The following PTPRQ variants were observed in gnomAD, a reference collection of about 807,000 sequenced individuals.
The protein encoded by PTPRQ is phosphatidylinositol phosphatase PTPRQ.
PTPRQ carries 199 observed loss-of-function variants against 246.0 expected under a neutral mutation model. The observed-to-expected ratio is 0.81, with a 90% CI of 0.72 to 0.91. The LOEUF (loss-of-function observed/expected upper bound fraction) is 0.91. Among genes scored for constraint, PTPRQ ranks in the 40% least tolerant of loss-of-function variants. The pLI is 0.00. For synonymous variants in PTPRQ, 869 were observed against 853.2 expected, an observed-to-expected ratio of 1.02 and a Z score of -0.32; for missense variants, 2,624 against 2,528.4, an observed-to-expected ratio of 1.04 and a Z score of -0.81.
At position 80,586,112 on chromosome 12, in the gene PTPRQ, A is replaced by G. The variant is rs557055275; in HGVS notation, c.4286-2017A>G. ...GTATTCCATGGTGTATATGTGCCAC[A>G]TTTTCTTAATCCAGTCTATCATTGT... is the stretch of plus-strand genomic sequence containing the variant. On this transcript the variant is annotated intron_variant, in intron 25 of 44. Transcript: ENST00000644991. 7.2e-5 allele frequency among the ~76,000 whole-genome samples: 11 copies of G among 151,838 alleles called. No homozygotes were observed. In the East Asian group the frequency reaches 1.6e-3, roughly 21 times the overall value.
chr12:80,664,698 T>C (rs1900733138), intron 39 of PTPRQ, among the ~76,000 whole-genome samples: 1 of 151,982 alleles, frequency 6.6e-6, no homozygotes, highest in African/African-American at 2.4e-5. Flanking sequence ...CACCCTCAAA[T>C]AAGACTTGGA....
chr12:80,618,359 TTC>T (rs1491280213), intron 30 of PTPRQ, among the ~76,000 whole-genome samples: 4 of 100,092 alleles, frequency 4.0e-5, no homozygotes, highest in Admixed American at 2.0e-4. Context: ...AAGCACTACA[TTC>T]ACACACACAC....
intron 6 of PTPRQ, among the ~76,000 whole-genome samples, chr12:80,465,844 T>A (rs1260272114): frequency 6.6e-6 from 1 of 152,154 alleles, no homozygotes; most frequent in African/African-American, 2.4e-5. Flanking sequence ...TAGGAATTGG[T>A]GGGACGTATC....
At chr12:80,645,087 TA>T (rs1294957700) in intron 35 of PTPRQ, among the ~76,000 whole-genome samples, 1 of 152,052 alleles carries the variant, frequency 6.6e-6, no homozygotes, top group East Asian at 1.9e-4. Flanking sequence ...GAACAGATTC[TA>T]AAAAGTGATT....
In PTPRQ at chr12:80,669,410, G is replaced by A; in HGVS notation, c.6399G>A (p.Lys2133=). The A allele has an allele frequency of 6.5e-7, 1 of 1,549,632 alleles. No individual in the cohort carries two copies. Among genetic ancestry groups the A allele is most frequent in the South Asian group, 1.2e-5 (1 of 83,882 alleles). Residue 2133 remains lysine, a synonymous_variant, in exon 41 of 45, where the codon AAG becomes AAA. Transcript: ENST00000644991. ...TCTTTGGAGATATAGTGATTACAAA[G>A]CTAATGGAGGATGTTCAAATAGATT... ...VTVFGDIVIT[K]LMEDVQIDWT...
intron 26 of PTPRQ, 115 bp downstream of exon 26, chr12:80,588,567 T>G: frequency 8.8e-7 from 1 of 1,131,440 alleles, no homozygotes; most frequent in Non-Finnish European, 1.1e-6. Flanking sequence ...TAGAAATAAC[T>G]GAGGACACTA....
chr12:80,542,671 G>T, intron 22 of PTPRQ, 59 bp from the exon 23 acceptor site: 1 of 1,494,152 alleles, frequency 6.7e-7, no homozygotes. Flanking sequence ...GTAAGTCACG[G>T]TGCTATTTTT....
rs891910005 is a variant in PTPRQ at position 80,471,719 on chromosome 12, C to T, written c.1040-386C>T. The stretch of plus-strand genomic sequence containing the variant: ...GTCTCGATCTCCTGACCTCGTGATC[C>T]GCCCGCCTCGGCCTCCCAAAGTTAT... On this transcript the variant is annotated intron_variant, in intron 7 of 44. Transcript: ENST00000644991. 1.2e-4 allele frequency among the ~76,000 whole-genome samples: 18 copies of T among 150,540 alleles called. 1 individual carries two copies. Among genetic ancestry groups the T allele is most frequent in the Non-Finnish European group, 2.2e-4 (15 of 67,718 alleles).
chr12:80,577,952 C>T (rs968007402), intron 25 of PTPRQ, among the ~76,000 whole-genome samples: 19 of 152,004 alleles, frequency 1.2e-4, no homozygotes, highest in African/African-American at 3.6e-4. Flanking sequence ...TGCACATGAA[C>T]GGTATACTTA....
intron 39 of PTPRQ, among the ~76,000 whole-genome samples, chr12:80,661,214 AATAT>A (rs141985379): frequency 6.7e-6 from 1 of 150,114 alleles, no homozygotes; most frequent in African/African-American, 2.4e-5. Context: ...AAAAGGAAAA[AATAT>A]ATATATATAA....
At chr12:80,671,196 G>T (rs1282468749) in intron 42 of PTPRQ, among the ~76,000 whole-genome samples, 1 of 151,820 alleles carries the variant, frequency 6.6e-6, no homozygotes, top group Non-Finnish European at 1.5e-5. Context: ...ATACGTAAAT[G>T]CTTGCTCATT....
intron 26 of PTPRQ, among the ~76,000 whole-genome samples, chr12:80,600,634 T>C (rs910887492): frequency 6.6e-6 from 1 of 151,754 alleles, no homozygotes; most frequent in African/African-American, 2.4e-5. Context: ...GGTTGAAAAG[T>C]ATAGTCCCAA....
intron 9 of PTPRQ, among the ~76,000 whole-genome samples, chr12:80,492,330 A>G (rs925311667): frequency 2.0e-5 from 3 of 152,006 alleles, no homozygotes; most frequent in Admixed American, 2.0e-4. Context: ...CCATCCTGGT[A>G]TCATTTAATA....
intron 8 of PTPRQ, among the ~76,000 whole-genome samples, chr12:80,479,064 C>A (rs1177157431): frequency 2.6e-5 from 4 of 151,534 alleles, no homozygotes; most frequent in South Asian, 2.1e-4. Flanking sequence ...AACTCCAAGA[C>A]ACATAATTGT....
intron 24 of PTPRQ, 102 bp downstream of exon 24, chr12:80,546,799 A>T: frequency 7.3e-7 from 1 of 1,373,702 alleles, no homozygotes; most frequent in Non-Finnish European, 9.8e-7. Context: ...TTAAGAGTCT[A>T]CTCAAAGGGA....
intron 7 of PTPRQ, among the ~76,000 whole-genome samples, chr12:80,469,438 G>GGATC (rs1893553408): frequency 6.6e-6 from 1 of 152,092 alleles, no homozygotes; most frequent in Non-Finnish European, 1.5e-5. Context: ...TATATCATTA[G>GGATC]GATCAAGTAT....
chr12:80,628,439 T>C lies in PTPRQ; in HGVS notation c.5687-3753T>C, dbSNP rs192389379. ...GTGCCTATTTTACACATTGGTAACC[T>C]ATTTTGTCACTTGACTGTAATACTT... On this transcript the variant is annotated intron_variant, in intron 33 of 44. Transcript: ENST00000644991. 1.5e-3 allele frequency among the ~76,000 whole-genome samples: 227 copies of C among 152,340 alleles called. 5 individuals are homozygous for C. Among genetic ancestry groups the C allele is most frequent in the Non-Finnish European group, 5.6e-4 (38 of 68,018 alleles).
chr12:80,445,636 A>G lies in PTPRQ; in HGVS notation c.309A>G (p.Val103=). ...YKEVCPWMQT[V]YTQVRSKPDS... is the part of the protein sequence containing the mutation. ...AAGTTTGTCCGTGGATGCAAACAGT[A>G]TATACACAAGTCAGATCAAAGCCAG... Residue 103 remains valine, a synonymous_variant, in exon 3 of 45, where the codon GTA becomes GTG. Transcript: ENST00000644991. The G allele has an allele frequency of 1.3e-6, 2 of 1,550,266 alleles. No individual in the cohort carries two copies. Among genetic ancestry groups the G allele is most frequent in the South Asian group, 1.2e-5 (1 of 84,028 alleles).
chr12:80,444,906 T>C, intron 2 of PTPRQ, 57 bp downstream of exon 2: 1 of 1,433,708 alleles, frequency 7.0e-7, no homozygotes, highest in Non-Finnish European at 9.3e-7. Context: ...AGTATAATTC[T>C]ACTGGATGGA....
Sources: gnomAD v4.1 joint callset for allele counts (sites outside exome capture counted in the v4.1 genomes callset) on GRCh38, gnomAD v4.1.1 for gene constraint, MANE v1.5 for transcripts, NCBI Gene and HGNC (gene_info 2026-07-23, HGNC 2026-07-21) for gene names.